The following IMMP2L variants were observed in gnomAD, a reference collection of about 807,000 sequenced individuals.
The protein encoded by IMMP2L is mitochondrial inner membrane protease subunit 2.
IMMP2L carries 18 observed loss-of-function variants against 19.3 expected under a neutral mutation model. The observed-to-expected ratio is 0.93, with a 90% confidence interval of 0.64 to 1.38. IMMP2L has a LOEUF of 1.38. Among genes scored for constraint, IMMP2L ranks in the 40% most tolerant of loss-of-function variants. The probability of loss-of-function intolerance (pLI) is 0.00; values close to 1 mark genes in which losing one functional copy is unlikely to be tolerated. For synonymous variants in IMMP2L, 76 were observed against 73.0 expected (o/e 1.04, Z -0.21); for missense variants, 233 against 218.2 (o/e 1.07, Z -0.43).
chr7:110,903,283 C>T (rs1812096376), intron 4 of IMMP2L, among the ~76,000 whole-genome samples: 2 of 152,186 alleles, frequency 1.3e-5, no homozygotes, highest in African/African-American at 4.8e-5. Context: ...ACTCTCTCAA[C>T]AGATTTTTAA....
At chr7:111,210,670 T>G (rs1284025247) in intron 3 of IMMP2L, among the ~76,000 whole-genome samples, 1 of 152,166 alleles carries the variant, frequency 6.6e-6, no homozygotes, top group Non-Finnish European at 1.5e-5. Context: ...TACACTTATA[T>G]TCTTAATCAT....
intron 3 of IMMP2L, among the ~76,000 whole-genome samples, chr7:110,980,954 G>A (rs1821236919): frequency 6.6e-6 from 1 of 152,100 alleles, no homozygotes; most frequent in African/African-American, 2.4e-5. Flanking sequence ...AAATAATCAA[G>A]TTTTTAGTAT....
At chr7:111,499,296 G>T (rs1378044159) in intron 2 of IMMP2L, among the ~76,000 whole-genome samples, 1 of 152,154 alleles carries the variant, frequency 6.6e-6, no homozygotes, top group Non-Finnish European at 1.5e-5. Flanking sequence ...TGACTCATGG[G>T]GGATGGGGTA....
chr7:111,197,248 G>A (rs899548923), intron 3 of IMMP2L, among the ~76,000 whole-genome samples: 3 of 152,094 alleles, frequency 2.0e-5, no homozygotes, highest in African/African-American at 7.2e-5. Context: ...GGATCACGAG[G>A]TCAGGAGATG....
chr7:111,514,223 G>C (rs1268697204), intron 2 of IMMP2L, among the ~76,000 whole-genome samples: 1 of 152,056 alleles, frequency 6.6e-6, no homozygotes. Flanking sequence ...ATGAAGTAAA[G>C]GGTATGTTAA....
At chr7:111,281,156 C>CAGAA (rs1157660179) in intron 3 of IMMP2L, among the ~76,000 whole-genome samples, 212 of 67,764 alleles carry the variant, frequency 3.1e-3, no homozygotes, top group Admixed American at 3.5e-3. Flanking sequence ...GACAGAAAGA[C>CAGAA]AGAAAGAAAG....
At chr7:111,299,927 CAAGT>C (rs1611048) in intron 3 of IMMP2L, among the ~76,000 whole-genome samples, 82,356 of 151,484 alleles carry the variant, frequency 0.54, 22,817 homozygotes, top group South Asian at 0.71. Flanking sequence ...GCAGTAACTA[CAAGT>C]AAGGAAAGTA....
intron 3 of IMMP2L, among the ~76,000 whole-genome samples, chr7:111,288,067 A>G (rs2130794767): frequency 6.6e-6 from 1 of 152,278 alleles, no homozygotes; most frequent in South Asian, 2.1e-4. Context: ...GTAATTTATT[A>G]CAGATTTTTT....
intron 3 of IMMP2L, among the ~76,000 whole-genome samples, chr7:110,973,841 T>C (rs1391444002): frequency 6.6e-6 from 1 of 152,186 alleles, no homozygotes; most frequent in South Asian, 2.1e-4. Flanking sequence ...TCTTTGTGAG[T>C]TGTACATTTC....
In IMMP2L at chr7:110,819,626, A is replaced by C. The variant is rs1224463790; in HGVS notation, c.408+66967T>G. ...GTTAGGTACTCACTATGAATTTCTT[A>C]AACCACACAGTATGAATTCTTTTAG... On this transcript the variant is annotated intron_variant, in intron 5 of 5. Transcript: ENST00000405709. 2.6e-5 allele frequency among the ~76,000 whole-genome samples: 4 copies of C among 152,140 alleles called. No homozygotes were observed. The East Asian group carries it at 7.8e-4, about 30-fold the overall frequency.
In IMMP2L at chr7:110,870,710, A is replaced by G. The variant is rs1808456871; in HGVS notation, c.408+15883T>C. 6.6e-6 allele frequency among the ~76,000 whole-genome samples: 1 copy of G among 152,160 alleles called. No homozygotes were observed. Among genetic ancestry groups the G allele is most frequent in the African/African-American group, 2.4e-5 (1 of 41,446 alleles). ...ATCTAGCTAGGACAAAAGGCCTTTC[A>G]CCTGTTCAAAGAATGGAAAGATCAG... On this transcript the variant is annotated intron_variant, in intron 5 of 5. Coordinates refer to ENST00000405709, the MANE Select transcript of IMMP2L (RefSeq NM_032549.4). The surrounding 1 kb of genome is among the most constrained non-coding windows in gnomAD (Gnocchi z 4.2).
intron 3 of IMMP2L, among the ~76,000 whole-genome samples, chr7:111,178,110 G>A (rs915484131): frequency 2.0e-5 from 3 of 151,884 alleles, no homozygotes; most frequent in Admixed American, 6.6e-5. Flanking sequence ...CCAAATACAG[G>A]CGTACCTTGG....
At chr7:111,470,353 G>C (rs1444325557) in intron 3 of IMMP2L, among the ~76,000 whole-genome samples, 2 of 151,848 alleles carry the variant, frequency 1.3e-5, no homozygotes, top group Non-Finnish European at 2.9e-5. Flanking sequence ...AATACCATTT[G>C]ACCCAGCAAT....
chr7:111,122,750 C>A, intron 3 of IMMP2L: 1 of 1,589,944 alleles, frequency 6.3e-7, no homozygotes, highest in South Asian at 1.1e-5. Flanking sequence ...GGGCCCATTA[C>A]ATTTCTGAAG....
chr7:111,122,856 T>A (rs374349913), intron 3 of IMMP2L: 1 of 1,613,856 alleles, frequency 6.2e-7, no homozygotes, highest in African/African-American at 1.3e-5. Flanking sequence ...AAAAAGTGGA[T>A]TGTCCACGGT....
intron 3 of IMMP2L, among the ~76,000 whole-genome samples, chr7:111,159,787 GATAAT>G (rs1805054501): frequency 6.6e-6 from 1 of 152,000 alleles, no homozygotes. Flanking sequence ...GTGAACTTTT[GATAAT>G]ATATTTTACT....
At chr7:111,281,710 T>A (rs1454463413) in intron 3 of IMMP2L, among the ~76,000 whole-genome samples, 2 of 152,132 alleles carry the variant, frequency 1.3e-5, no homozygotes, top group African/African-American at 2.4e-5. Context: ...ACCAGCATTA[T>A]ATAAATGGGG....
intron 3 of IMMP2L, among the ~76,000 whole-genome samples, chr7:111,352,590 T>C (rs1828282759): frequency 6.6e-6 from 1 of 152,070 alleles, no homozygotes; most frequent in Non-Finnish European, 1.5e-5. Context: ...ATCTAGTCAT[T>C]TCTAGATAAG....
rs1479666669 is a variant in IMMP2L at position 110,662,762 on chromosome 7, A to G, written c.*840T>C. ...GTGAATACTGAGAAATAATTAGGGGAAGAAAATCAAACGTGGCTGATCTGG... is the reference window on the plus strand; with the variant it reads ...GTGAATACTGAGAAATAATTAGGGGGAGAAAATCAAACGTGGCTGATCTGG... On this transcript the variant is annotated 3_prime_UTR_variant, in exon 6 of 6. Coordinates refer to ENST00000405709, the MANE Select transcript of IMMP2L (RefSeq NM_032549.4). Among the ~76,000 whole-genome samples, 1 of 152,222 alleles carries G rather than the reference A, an allele frequency of 6.6e-6. No individual in the cohort carries two copies. Among genetic ancestry groups the G allele is most frequent in the Non-Finnish European group, 1.5e-5 (1 of 68,036 alleles).
Sources: allele counts gnomAD v4.1 joint callset (sites outside exome capture counted in the v4.1 genomes callset), GRCh38; gene constraint gnomAD v4.1.1; non-coding constraint Gnocchi (gnomAD v3.1); transcripts MANE v1.5; gene names NCBI Gene and HGNC (gene_info 2026-07-23, HGNC 2026-07-21).